CYFIP1: variants seen among roughly 807,000 people sequenced by gnomAD.
CYFIP1 encodes the protein cytoplasmic FMR1 interacting protein 1.
Under a neutral mutation model 163.5 loss-of-function variants are expected in CYFIP1, and 58 were observed. That is an observed-to-expected ratio of 0.35 (90% CI 0.29 to 0.44). CYFIP1 has a LOEUF of 0.44. CYFIP1 is among the 20% of genes least tolerant of loss of function. The pLI is 1.00. For missense variants in CYFIP1, 1,338 were observed against 1,653.8 expected (o/e 0.81, Z 3.31); for synonymous variants, 663 against 660.7 (o/e 1.00, Z -0.05).
At chr15:22,878,038 C>T (rs1427722187) in intron 26 of CYFIP1, among the ~76,000 whole-genome samples, 1 of 152,206 alleles carries the variant, frequency 6.6e-6, no homozygotes, top group Non-Finnish European at 1.5e-5. Flanking sequence ...CCTGTTCTTC[C>T]CAAACACAAC....
Position 22,879,782 on chromosome 15 carries a change from A to C in CYFIP1, c.3042+131T>G, listed in dbSNP as rs1595500000. ...CAAACTAAAGTCTCAACAGCCACAA[A>C]AAAAAAAAAATGATGCACAGCTGTT... On this transcript the variant is annotated intron_variant, in intron 26 of 30. Coordinates refer to ENST00000617928, the MANE Select transcript of CYFIP1 (RefSeq NM_014608.6). 2.3e-5 allele frequency: 15 copies of C among 664,634 alleles called. No homozygotes were observed. In the East Asian group the frequency reaches 3.2e-4, roughly 14 times the overall value. 41.2% of individuals were successfully genotyped at this position (664,634 alleles called of 1,614,324 possible).
intron 13 of CYFIP1, 124 bp from the exon 14 acceptor site, chr15:22,918,982 C>T: frequency 5.6e-6 from 4 of 711,830 alleles, no homozygotes; most frequent in Non-Finnish European, 9.4e-6. Flanking sequence ...GCGTTCGTGC[C>T]CTGCAGCTGC....
At chr15:22,958,444 A>C (rs1287546657) in intron 1 of CYFIP1, among the ~76,000 whole-genome samples, 2 of 152,236 alleles carry the variant, frequency 1.3e-5, no homozygotes, top group African/African-American at 2.4e-5. Context: ...CCAGCTCAAA[A>C]GAACAGCCTC....
At position 22,903,703 on chromosome 15, in the gene CYFIP1, C is replaced by T. The variant is rs780078654; in HGVS notation, c.2588+3G>A. The T allele has an allele frequency of 5.6e-6, 9 of 1,613,136 alleles. No individual in the cohort carries two copies. In the African/African-American group the frequency reaches 1.1e-4, roughly 19 times the overall value. ...TGGGCGCCTGTGTGGCGGGCACGCT[C>T]ACCGGTTGGTAGAGCCGTTGTAGCA... On this transcript the variant is annotated splice_donor_region_variant and intron_variant, in intron 22 of 30. Coordinates refer to ENST00000617928, the MANE Select transcript of CYFIP1 (RefSeq NM_014608.6).
chr15:22,953,437 C>T (rs1478645703), intron 1 of CYFIP1, among the ~76,000 whole-genome samples: 1 of 152,196 alleles, frequency 6.6e-6, no homozygotes, highest in Non-Finnish European at 1.5e-5. Context: ...GCCGCCTGCA[C>T]CCTGGGATTT....
At position 22,910,507 on chromosome 15, in the gene CYFIP1, G is replaced by A. The variant is rs777310446; in HGVS notation, c.2268+13C>T. The A allele has an allele frequency of 1.2e-5, 19 of 1,608,330 alleles. No homozygotes were observed. The Admixed American group carries it at 1.5e-4, about 13-fold the overall frequency. The stretch of plus-strand genomic sequence containing the variant: ...ACACTCTACGTCCCCACCACAGCCC[G>A]GCCCCAGCTCACCTGCACATGCCTC... On this transcript the variant is annotated intron_variant, in intron 20 of 30. Transcript: ENST00000617928.
chr15:22,967,466 G>A (rs992965503), intron 1 of CYFIP1, among the ~76,000 whole-genome samples: 1 of 152,100 alleles, frequency 6.6e-6, no homozygotes, highest in African/African-American at 2.4e-5. Context: ...ATGTGAAGAG[G>A]AAGAACTCGG....
chr15:22,910,156 T>A (rs1372236371), intron 20 of CYFIP1, among the ~76,000 whole-genome samples: 1 of 149,254 alleles, frequency 6.7e-6, no homozygotes, highest in African/African-American at 2.4e-5. Flanking sequence ...ATCTCAATCA[T>A]TTTTTTTTTC....
rs11857676 is a variant in CYFIP1 at position 22,905,910 on chromosome 15, G to A, written c.2389-2005C>T. ...GAGTAAGCTGGGACTACAGGTGCCC[G>A]CCACCACACCCGGCTAATTTTTTTA... On this transcript the variant is annotated intron_variant, in intron 21 of 30. Coordinates refer to ENST00000617928, the MANE Select transcript of CYFIP1 (RefSeq NM_014608.6). Among the ~76,000 whole-genome samples, 454 of 149,152 alleles carry A rather than the reference G, an allele frequency of 3.0e-3. 3 individuals carry two copies. Among genetic ancestry groups the A allele is most frequent in the African/African-American group, 0.01 (418 of 40,540 alleles).
intron 1 of CYFIP1, among the ~76,000 whole-genome samples, chr15:22,977,232 G>C (rs919677334): frequency 1.3e-5 from 2 of 151,746 alleles, no homozygotes; most frequent in East Asian, 3.9e-4. Context: ...GTCGCCTTCT[G>C]TGTGTTGACT....
chr15:22,878,523 C>T (rs899343577), intron 26 of CYFIP1, among the ~76,000 whole-genome samples: 7 of 151,920 alleles, frequency 4.6e-5, no homozygotes, highest in Admixed American at 1.3e-4. Flanking sequence ...ACATTATACA[C>T]AAAGACCAAC....
intron 1 of CYFIP1, among the ~76,000 whole-genome samples, chr15:22,956,766 C>T (rs1488652796): frequency 6.6e-6 from 1 of 152,178 alleles, no homozygotes; most frequent in Admixed American, 6.5e-5. Flanking sequence ...TCTGGCCGGG[C>T]CCAGGCTCCC....
chr15:22,878,329 G>A (rs1471190575), intron 26 of CYFIP1, among the ~76,000 whole-genome samples: 1 of 152,134 alleles, frequency 6.6e-6, no homozygotes, highest in Admixed American at 6.5e-5. Flanking sequence ...GTGCTATGAT[G>A]TCAGAGACAG....
At chr15:22,875,084 T>C in intron 27 of CYFIP1, 115 bp downstream of exon 27, 3 of 928,854 alleles carry the variant, frequency 3.2e-6, no homozygotes, top group Non-Finnish European at 5.3e-6. Context: ...TGGGTATGAC[T>C]GAACAGGCGC....
At chr15:22,910,360 C>T (rs2060743335) in intron 20 of CYFIP1, among the ~76,000 whole-genome samples, 160 bp downstream of exon 20, 1 of 152,116 alleles carries the variant, frequency 6.6e-6, no homozygotes, top group African/African-American at 2.4e-5. Flanking sequence ...TGGGGTTTTG[C>T]TATGTTGGCC....
At chr15:22,916,704 C>T (rs2060994840) in intron 15 of CYFIP1, 74 bp from the exon 16 acceptor site, 1 of 1,613,936 alleles carries the variant, frequency 6.2e-7, no homozygotes, top group South Asian at 1.1e-5. Context: ...CTCAAAAAGC[C>T]CATGAGAGAA....
At chr15:22,961,308 C>T (rs544580438) in intron 1 of CYFIP1, among the ~76,000 whole-genome samples, 9 of 152,268 alleles carry the variant, frequency 5.9e-5, no homozygotes, top group African/African-American at 1.9e-4. Context: ...AGGCATGAGC[C>T]ACTGTGCCTG....
intron 22 of CYFIP1, among the ~76,000 whole-genome samples, chr15:22,894,106 C>G (rs1398579431): frequency 6.6e-6 from 1 of 152,124 alleles, no homozygotes; most frequent in East Asian, 1.9e-4. Context: ...AACCTCTGTC[C>G]ACCTCCGATG....
chr15:22,896,797 G>A (rs1016912019), intron 22 of CYFIP1, among the ~76,000 whole-genome samples: 1 of 151,332 alleles, frequency 6.6e-6, no homozygotes, highest in Non-Finnish European at 1.5e-5. Context: ...TGTACAGAGT[G>A]ATTTTTCTCT....
Sources: gnomAD v4.1 joint callset for allele counts (sites outside exome capture counted in the v4.1 genomes callset) on GRCh38, gnomAD v4.1.1 for gene constraint, MANE v1.5 for transcripts, NCBI Gene and HGNC (gene_info 2026-07-23, HGNC 2026-07-21) for gene names.